TRIM66: variants seen among roughly 807,000 people sequenced by gnomAD.
The protein encoded by TRIM66 is tripartite motif-containing protein 66.
A neutral mutation model predicts 148.2 loss-of-function variants in TRIM66; 99 were observed. That is an observed-to-expected ratio of 0.67 (90% CI 0.57 to 0.79). The LOEUF is 0.79. TRIM66 is among the 30% of genes least tolerant of loss of function. The pLI is 0.00. For synonymous variants in TRIM66, 616 were observed against 635.9 expected, an observed-to-expected ratio of 0.97 and a Z score of 0.47; for missense variants, 1,666 against 1,697.9, an observed-to-expected ratio of 0.98 and a Z score of 0.33.
intron 15 of TRIM66, among the ~76,000 whole-genome samples, chr11:8,632,749 T>C (rs778939412): frequency 1.5e-4 from 23 of 152,224 alleles, no homozygotes; most frequent in Non-Finnish European, 2.8e-4. Context: ...TGTAAGCCAC[T>C]GTGCCTGGCC....
intron 11 of TRIM66, 93 bp downstream of exon 11, chr11:8,646,354 G>C: frequency 9.6e-7 from 1 of 1,040,556 alleles, no homozygotes; most frequent in Admixed American, 2.0e-5. Context: ...CTGCATATCT[G>C]AATTACAGCC....
chr11:8,678,460 AC>A (rs1565583599), intron 3 of TRIM66, among the ~76,000 whole-genome samples: 1 of 152,256 alleles, frequency 6.6e-6, no homozygotes, highest in Non-Finnish European at 1.5e-5. Flanking sequence ...CTCCATGTAT[AC>A]AAGGGTTGAA....
chr11:8,618,253 G>A (rs2033862317), intron 24 of TRIM66, among the ~76,000 whole-genome samples: 1 of 152,222 alleles, frequency 6.6e-6, no homozygotes, highest in African/African-American at 2.4e-5. Flanking sequence ...AGCCCTGAAT[G>A]GACATTTCTG....
At chr11:8,648,385 C>G (rs2037054081) in intron 9 of TRIM66, 31 bp downstream of exon 9, 9 of 1,549,276 alleles carry the variant, frequency 5.8e-6, no homozygotes, top group Non-Finnish European at 7.9e-6. Flanking sequence ...GAGCCCTCCC[C>G]AGCCCATTTC....
upstream of TRIM66, chr11:8,683,225 G>A (rs1267907427): frequency 3.7e-6 from 6 of 1,614,266 alleles, no homozygotes; most frequent in Non-Finnish European, 5.1e-6. Flanking sequence ...GGAAGACCCG[G>A]AAACTTAGGG....
chr11:8,670,134 T>C (rs1464842331), intron 6 of TRIM66, among the ~76,000 whole-genome samples: 1 of 151,540 alleles, frequency 6.6e-6, no homozygotes, highest in Non-Finnish European at 1.5e-5. Context: ...TGCCTCAGCC[T>C]CCCGAGTAGC....
chr11:8,644,381 T>C (rs2036665031), intron 12 of TRIM66: 2 of 452,662 alleles, frequency 4.4e-6, no homozygotes, highest in South Asian at 3.2e-5. Flanking sequence ...ATTTAAAATC[T>C]TTACTTTGGT....
chr11:8,665,037 T>C (rs998043519), intron 6 of TRIM66, among the ~76,000 whole-genome samples: 27 of 152,084 alleles, frequency 1.8e-4, no homozygotes, highest in African/African-American at 6.5e-4. Context: ...GTTGGAGGCA[T>C]TGAAGCTAGG....
chr11:8,650,544 C>A (rs2037271818), intron 7 of TRIM66, among the ~76,000 whole-genome samples: 2 of 152,030 alleles, frequency 1.3e-5, no homozygotes, highest in Non-Finnish European at 2.9e-5. Flanking sequence ...GTCTCAGGGG[C>A]TGTTCACACA....
Position 8,625,007 on chromosome 11 carries a change from G to A in TRIM66, c.2532C>T (p.His844=), listed in dbSNP as rs1318890011. The A allele has an allele frequency of 1.9e-5, 30 of 1,551,746 alleles. No homozygotes were observed. The African/African-American group carries it at 2.2e-4, about 11-fold the overall frequency. ...NQAMPSLTTS[H]LQTVPSLVHS... ...GCACAAGGCTGGGCACAGTCTGTAG[G>A]TGACTGGTTGTCAGGCTGGGCATGG... The change falls in exon 16 of 25, where the codon CAC becomes CAT. Residue 844 remains histidine (H), a synonymous_variant. Coordinates refer to ENST00000646038, the MANE Select transcript of TRIM66 (RefSeq NM_001388022.1).
At position 8,618,022 on chromosome 11, in the gene TRIM66, T is replaced by C. The variant is rs2033835524; in HGVS notation, c.4120-19A>G. On this transcript the variant is annotated intron_variant, in intron 24 of 24. Coordinates refer to ENST00000646038, the MANE Select transcript of TRIM66 (RefSeq NM_001388022.1). ...CATTCTCCTGAAAGAAAAATATATATTTGGAATTAAAATAGCCAAATGTAG... is the reference window on the plus strand; with the variant it reads ...CATTCTCCTGAAAGAAAAATATATACTTGGAATTAAAATAGCCAAATGTAG... The C allele has an allele frequency of 6.4e-7, 1 of 1,550,398 alleles. No homozygotes were observed. The highest frequency in any genetic ancestry group is 8.7e-7 in the Non-Finnish European group (1 of 1,146,020).
chr11:8,619,215 G>C, intron 23 of TRIM66, 168 bp downstream of exon 23: 2 of 837,766 alleles, frequency 2.4e-6, no homozygotes, highest in South Asian at 1.8e-5. Flanking sequence ...CCATGCTAAG[G>C]CCTGAGTGTG....
rs2033820011 is a variant in TRIM66 at position 8,617,873 on chromosome 11, C to T, written c.*71G>A. 7.0e-7 allele frequency: 1 copy of T among 1,429,186 alleles called. No individual in the cohort carries two copies. The highest frequency in any genetic ancestry group is 1.4e-5 in the African/African-American group (1 of 70,664). 88.5% of individuals were successfully genotyped at this position (1,429,186 alleles called of 1,614,324 possible). On this transcript the variant is annotated 3_prime_UTR_variant, in exon 25 of 25. Transcript: ENST00000646038. ...CCATCCACACTCTGAAGAGGATAAG[C>T]TGCAAGATGGGGAGGAATGGTCGAC...
At chr11:8,661,366 T>C (rs991150557) in intron 6 of TRIM66, among the ~76,000 whole-genome samples, 7 of 152,182 alleles carry the variant, frequency 4.6e-5, no homozygotes, top group Non-Finnish European at 1.0e-4. Flanking sequence ...ACCCACAGTA[T>C]AATGCAAAAA....
intron 15 of TRIM66, among the ~76,000 whole-genome samples, chr11:8,638,310 T>A (rs2036063297): frequency 6.6e-6 from 1 of 152,220 alleles, no homozygotes; most frequent in Non-Finnish European, 1.5e-5. Context: ...GATGCTCACT[T>A]CCACAAATGT....
chr11:8,644,667 T>C (rs1391156505), intron 12 of TRIM66, among the ~76,000 whole-genome samples: 2 of 152,162 alleles, frequency 1.3e-5, no homozygotes, highest in African/African-American at 4.8e-5. Context: ...CCCATATACA[T>C]GTGTGCAAAT....
At chr11:8,679,564 C>G (rs896748941) in intron 3 of TRIM66, 56 bp downstream of exon 3, 1 of 152,688 alleles carries the variant, frequency 6.5e-6, no homozygotes, top group Non-Finnish European at 1.5e-5. Context: ...ATTGTAGGCC[C>G]CAGCTCTAAT....
At position 8,617,597 on chromosome 11, in the gene TRIM66, A is replaced by C. The variant is rs562299403; in HGVS notation, c.*347T>G. ...ATGGCTCCTGAGCCCTGGACACTAAAAGGTTAGACGGGTCTGCTTTCCCAG... is the reference window on the plus strand; with the variant it reads ...ATGGCTCCTGAGCCCTGGACACTAACAGGTTAGACGGGTCTGCTTTCCCAG... On this transcript the variant is annotated 3_prime_UTR_variant, in exon 25 of 25. Coordinates refer to ENST00000646038, the MANE Select transcript of TRIM66 (RefSeq NM_001388022.1). 4.6e-5 allele frequency: 13 copies of C among 282,426 alleles called. No individual in the cohort carries two copies. Among genetic ancestry groups the C allele is most frequent in the African/African-American group, 2.4e-4 (11 of 46,198 alleles). The allele number at this position is 282,426 out of a possible 1,614,324, so 17.5% of individuals were successfully genotyped here. A position where few individuals can be genotyped will look rare whatever the true frequency, so the allele number is the denominator to read the frequency against.
At chr11:8,645,982 A>G in intron 11 of TRIM66, 95 bp from the exon 12 acceptor site, 1 of 1,256,638 alleles carries the variant, frequency 8.0e-7, no homozygotes, top group South Asian at 1.4e-5. Flanking sequence ...TCACTGATGG[A>G]ATCAGATGAG....
Sources: allele counts gnomAD v4.1 joint callset (sites outside exome capture counted in the v4.1 genomes callset), GRCh38; gene constraint gnomAD v4.1.1; transcripts MANE v1.5; gene names NCBI Gene and HGNC (gene_info 2026-07-23, HGNC 2026-07-21).